Variants in ANO10 observed in about 807,000 individuals in gnomAD.
ANO10 encodes anoctamin-10.
ANO10 carries 77 observed loss-of-function variants against 74.7 expected under a neutral mutation model. The ratio of observed to expected loss-of-function variants is 1.03; its 90% CI spans 0.86 to 1.25. The LOEUF is 1.25. Ranked by LOEUF, ANO10 falls within the 50% of genes most tolerant of loss-of-function variation. The pLI is 0.00. For synonymous variants in ANO10, 279 were observed against 284.9 expected (o/e 0.98, Z 0.21); for missense variants, 721 against 778.1 (o/e 0.93, Z 0.87).
intron 1 of ANO10, among the ~76,000 whole-genome samples, chr3:43,637,068 G>A (rs150138626): frequency 0.017 from 2,657 of 152,350 alleles, 41 homozygotes; most frequent in South Asian, 0.048. Context: ...TAGCAGGAAG[G>A]CTGTGGTGGG....
At chr3:43,392,026 C>T (rs2092284839) in intron 12 of ANO10, among the ~76,000 whole-genome samples, 1 of 152,110 alleles carries the variant, frequency 6.6e-6, no homozygotes, top group Admixed American at 6.5e-5. Flanking sequence ...TAAAACTACA[C>T]CTGATTTCAT....
At chr3:43,574,682 C>A (rs1419469956) in intron 7 of ANO10, 127 bp downstream of exon 7, 1 of 762,876 alleles carries the variant, frequency 1.3e-6, no homozygotes, top group African/African-American at 1.7e-5. Flanking sequence ...TTAATCAATC[C>A]TTGCCTATTT....
chr3:43,390,798 C>T (rs549525250), intron 12 of ANO10, among the ~76,000 whole-genome samples: 2 of 152,328 alleles, frequency 1.3e-5, no homozygotes, highest in African/African-American at 2.4e-5. Context: ...TCTATGAAGA[C>T]AACTTTATGA....
intron 12 of ANO10, among the ~76,000 whole-genome samples, chr3:43,373,086 A>G (rs2091675755): frequency 6.6e-6 from 1 of 152,176 alleles, no homozygotes; most frequent in Non-Finnish European, 1.5e-5. Flanking sequence ...ACCGGGTTTC[A>G]GGGTTCCCAG....
At chr3:43,508,443 G>C (rs2077378722) in intron 11 of ANO10, among the ~76,000 whole-genome samples, 1 of 152,100 alleles carries the variant, frequency 6.6e-6, no homozygotes, top group African/African-American at 2.4e-5. Context: ...CCCATTACTG[G>C]GCATATACCC....
chr3:43,617,032 A>G (rs1006115068), intron 1 of ANO10, among the ~76,000 whole-genome samples: 24 of 151,280 alleles, frequency 1.6e-4, no homozygotes, highest in South Asian at 2.1e-4. Context: ...TGGCTCAATG[A>G]CGTAAATATC....
At chr3:43,510,872 T>C (rs902586158) in intron 11 of ANO10, among the ~76,000 whole-genome samples, 2 of 152,216 alleles carry the variant, frequency 1.3e-5, no homozygotes, top group Non-Finnish European at 2.9e-5. Context: ...ACATTCTGTA[T>C]GCTATTCATA....
At chr3:43,397,064 G>A (rs2092396287) in intron 12 of ANO10, among the ~76,000 whole-genome samples, 1 of 151,740 alleles carries the variant, frequency 6.6e-6, no homozygotes, top group South Asian at 2.1e-4. Context: ...CAAGTAGCTG[G>A]GATTACAAGC....
intron 7 of ANO10, among the ~76,000 whole-genome samples, chr3:43,567,576 A>C (rs369911250): frequency 0.017 from 2,565 of 151,942 alleles, 64 homozygotes; most frequent in African/African-American, 0.057. Flanking sequence ...TCATATCCAG[A>C]CAAACTAAGC....
At chr3:43,684,692 C>G (rs992164173) in intron 1 of ANO10, among the ~76,000 whole-genome samples, 1 of 151,946 alleles carries the variant, frequency 6.6e-6, no homozygotes, top group Non-Finnish European at 1.5e-5. Context: ...AAATGTTCAA[C>G]AATGATAGAC....
chr3:43,480,398 T>C lies in ANO10; in HGVS notation c.1798-47671A>G, dbSNP rs76013003. Among the ~76,000 whole-genome samples, 194 of 152,302 alleles carry C rather than the reference T, an allele frequency of 1.3e-3. 1 individual carries two copies. Among genetic ancestry groups the C allele is most frequent in the East Asian group, 0.012 (60 of 5,188 alleles). Reference sequence around the variant, plus strand: ...ACCACAAAGGCATATCATTGTGAAATGTCAGACACCAGGGATAAAGAGAAG... The same window carrying C: ...ACCACAAAGGCATATCATTGTGAAACGTCAGACACCAGGGATAAAGAGAAG... On this transcript the variant is annotated intron_variant, in intron 11 of 12. Coordinates refer to ENST00000292246, the MANE Select transcript of ANO10 (RefSeq NM_018075.5).
At chr3:43,687,725 G>A (rs1279999598) in intron 1 of ANO10, among the ~76,000 whole-genome samples, 1 of 152,192 alleles carries the variant, frequency 6.6e-6, no homozygotes, top group Non-Finnish European at 1.5e-5. Context: ...TTTGGAGGTA[G>A]GGGACCAAGC....
chr3:43,611,808 C>T (rs985603647), intron 1 of ANO10, among the ~76,000 whole-genome samples: 1 of 152,004 alleles, frequency 6.6e-6, no homozygotes, highest in Admixed American at 6.6e-5. Context: ...CTCTAACCAG[C>T]AAGAACAAAT....
chr3:43,651,651 G>T (rs758647359), intron 1 of ANO10, among the ~76,000 whole-genome samples: 14 of 152,124 alleles, frequency 9.2e-5, no homozygotes, highest in Non-Finnish European at 1.9e-4. Context: ...CAGGTTTCTG[G>T]AAGTCTTAAC....
chr3:43,502,360 G>C (rs2077129970), intron 11 of ANO10, among the ~76,000 whole-genome samples: 1 of 152,146 alleles, frequency 6.6e-6, no homozygotes, highest in South Asian at 2.1e-4. Flanking sequence ...GAAAGGTTTG[G>C]TGCCATCCTT....
At chr3:43,618,113 G>C (rs146819432) in intron 1 of ANO10, 1 of 152,266 alleles carries the variant, frequency 6.6e-6, no homozygotes, top group Admixed American at 6.5e-5. Context: ...GATGTAGACA[G>C]ACGTGAGAAT....
At chr3:43,446,049 A>G (rs2093240991) in intron 11 of ANO10, among the ~76,000 whole-genome samples, 1 of 152,148 alleles carries the variant, frequency 6.6e-6, no homozygotes, top group Non-Finnish European at 1.5e-5. Flanking sequence ...AGCCTGGCGG[A>G]GAGAGAAACG....
intron 11 of ANO10, among the ~76,000 whole-genome samples, chr3:43,449,515 C>CTTTTTTTTTT (rs61265406): frequency 1.6e-3 from 175 of 107,028 alleles, no homozygotes; most frequent in Non-Finnish European, 2.0e-3. Context: ...TATCTAGATT[C>CTTTTTTTTTT]TTTTTTTTTT....
chr3:43,605,638 T>A lies in ANO10; in HGVS notation c.139+76A>T, dbSNP rs541083907. On this transcript the variant is annotated intron_variant, in intron 2 of 12. Coordinates refer to ENST00000292246, the MANE Select transcript of ANO10 (RefSeq NM_018075.5). Reference sequence around the variant, plus strand: ...CATTTGCAAATACATTTTTAGTGACTGAGCATACAGTGTGGGAGGCTGAGC... The same window carrying A: ...CATTTGCAAATACATTTTTAGTGACAGAGCATACAGTGTGGGAGGCTGAGC... 317 of 1,521,682 alleles carry A rather than the reference T, an allele frequency of 2.1e-4. 1 individual carries two copies. In the Middle Eastern group the frequency reaches 5.8e-3, roughly 28 times the overall value. The allele number at this position is 1,521,682 out of a possible 1,614,324, so 94.3% of individuals were successfully genotyped here.
Sources: gnomAD v4.1 joint callset for allele counts (sites outside exome capture counted in the v4.1 genomes callset) on GRCh38, gnomAD v4.1.1 for gene constraint, MANE v1.5 for transcripts, NCBI Gene and HGNC (gene_info 2026-07-23, HGNC 2026-07-21) for gene names.